PTK7: variants seen among roughly 807,000 people sequenced by gnomAD.
The protein encoded by PTK7 is protein tyrosine kinase 7 (inactive), also known as inactive tyrosine-protein kinase 7.
In PTK7, 39 loss-of-function variants were observed where a neutral mutation model predicts 116.6. The ratio of observed to expected loss-of-function variants is 0.33; its 90% CI spans 0.26 to 0.44. The LOEUF is 0.44. Ranked by LOEUF, PTK7 falls within the 20% of genes least tolerant of loss-of-function variation. The pLI is 1.00. For synonymous variants in PTK7, 546 were observed against 563.6 expected (o/e 0.97, Z 0.44); for missense variants, 1,169 against 1,425.6 (o/e 0.82, Z 2.90).
chr6:43,158,065 G>C (rs1335906039), intron 17 of PTK7, among the ~76,000 whole-genome samples: 1 of 152,052 alleles, frequency 6.6e-6, no homozygotes, highest in Non-Finnish European at 1.5e-5. Context: ...TTGGAAGGCC[G>C]AGGCGGGCGG....
At chr6:43,158,753 G>A in intron 17 of PTK7, 64 bp from the exon 18 acceptor site, 2 of 1,541,370 alleles carry the variant, frequency 1.3e-6, no homozygotes, top group African/African-American at 1.4e-5. Flanking sequence ...CAAGGGTTGT[G>A]TTGAGGGTGG....
Position 43,132,496 on chromosome 6 carries a change from C to G in PTK7, c.1037C>G (p.Pro346Arg), listed in dbSNP as rs769623531. ...GSEERVTCLP[P>R]KGLPEPSVWW... The stretch of plus-strand genomic sequence containing the variant: ...GAGGAGCGTGTGACCTGCCTTCCCC[C>G]CAAGGGTCTGCCAGAGCCCAGCGTG... The change falls in exon 7 of 20, where the codon CCC becomes CGC. Residue 346 changes from proline (P) to arginine (R), a missense_variant. Coordinates refer to ENST00000230419, the MANE Select transcript of PTK7 (RefSeq NM_002821.5). The G allele has an allele frequency of 1.2e-5, 20 of 1,610,324 alleles. No homozygotes were observed. The Admixed American group carries it at 1.7e-4, about 13-fold the overall frequency.
At position 43,132,069 on chromosome 6, in the gene PTK7, C is replaced by T. The variant is rs779981129; in HGVS notation, c.866C>T (p.Thr289Ile). ...TVFANGSLLL[T>I]QVRPRNAGIY... ...TTTGCCAACGGGTCTCTGCTGCTGACCCAGGTCCGGCCACGCAATGCAGGG... is the reference window on the plus strand; with the variant it reads ...TTTGCCAACGGGTCTCTGCTGCTGATCCAGGTCCGGCCACGCAATGCAGGG... The change falls in exon 6 of 20, where the codon ACC becomes ATC. Residue 289 changes from threonine (T) to isoleucine (I), a missense_variant. By Grantham distance (89) the Thr-to-Ile change is moderately conservative. Around this residue, in one of 3 missense-constraint regions of PTK7, gnomAD observed 487 missense variants for 549.8 expected, o/e 0.89. Transcript: ENST00000230419. 2 of 1,614,134 alleles carry T rather than the reference C, an allele frequency of 1.2e-6. No individual in the cohort carries two copies. Among genetic ancestry groups the T allele is most frequent in the Non-Finnish European group, 8.5e-7 (1 of 1,180,038 alleles).
chr6:43,128,369 A>C (rs1769424556), intron 1 of PTK7, among the ~76,000 whole-genome samples: 1 of 152,026 alleles, frequency 6.6e-6, no homozygotes, highest in Admixed American at 6.6e-5. Context: ...CTGCCTGCCC[A>C]CCCCATTCAT....
rs1279723242 is a variant in PTK7 at position 43,088,693 on chromosome 6, A to ATAAG, written c.79+12129_79+12130insGTAA. Among the ~76,000 whole-genome samples, 4 of 134,488 alleles carry ATAAG rather than the reference A, an allele frequency of 3.0e-5. No homozygotes were observed. In the East Asian group the frequency reaches 8.4e-4, roughly 28 times the overall value. The allele number at this position is 134,488 out of a possible 152,430, so 88.2% of individuals were successfully genotyped here. A position where few individuals can be genotyped will look rare whatever the true frequency, so the allele number is the denominator to read the frequency against. The stretch of plus-strand genomic sequence containing the variant: ...GGTGAGAGTGAGACGCCATCTCAAA[A>ATAAG]TAAATAAATAAATAAATAAATAAAT... On this transcript the variant is annotated intron_variant, in intron 1 of 19. Coordinates refer to ENST00000230419, the MANE Select transcript of PTK7 (RefSeq NM_002821.5).
chr6:43,105,699 G>A (rs887039094), intron 1 of PTK7, among the ~76,000 whole-genome samples: 2 of 152,118 alleles, frequency 1.3e-5, no homozygotes, highest in Non-Finnish European at 2.9e-5. Context: ...ACAGGAAGAC[G>A]GCTTGTGATA....
intron 1 of PTK7, among the ~76,000 whole-genome samples, chr6:43,116,155 C>G (rs1423114686): frequency 4.6e-5 from 7 of 152,012 alleles, no homozygotes; most frequent in African/African-American, 1.7e-4. Context: ...CCTTGTAAGA[C>G]CCCTCCCCAG....
chr6:43,112,392 C>T (rs1283949138), intron 1 of PTK7, among the ~76,000 whole-genome samples: 3 of 151,836 alleles, frequency 2.0e-5, no homozygotes, highest in Non-Finnish European at 4.4e-5. Context: ...CCTCAGCATC[C>T]CAAGTAGCTG....
chr6:43,123,608 G>A (rs113762173), intron 1 of PTK7, among the ~76,000 whole-genome samples: 2 of 152,156 alleles, frequency 1.3e-5, no homozygotes, highest in East Asian at 3.9e-4. Context: ...TGGCGGGGGT[G>A]GGGGTGGAGG....
chr6:43,136,349 C>A (rs1418491775), intron 7 of PTK7, among the ~76,000 whole-genome samples: 1 of 150,502 alleles, frequency 6.6e-6, no homozygotes, highest in Non-Finnish European at 1.5e-5. Context: ...AAAAAAAAAA[C>A]CAAACCGTAG....
At position 43,129,491 on chromosome 6, in the gene PTK7, T is replaced by C. The variant is rs1769524206; in HGVS notation, c.367+227T>C. ...GGGACCCATTTATCTGCTGCATGCT[T>C]GTGCAAATGGAAAGGGCGGCCGAGC... is the stretch of plus-strand genomic sequence containing the variant. On this transcript the variant is annotated intron_variant, in intron 2 of 19. Coordinates refer to ENST00000230419, the MANE Select transcript of PTK7 (RefSeq NM_002821.5). The surrounding 1 kb of genome is among the most constrained non-coding windows in gnomAD (Gnocchi z 4.5). The C allele has an allele frequency of 2.7e-6, 2 of 733,874 alleles. No homozygotes were observed. The highest frequency in any genetic ancestry group is 5.4e-5 in the East Asian group (2 of 36,878). The allele number at this position is 733,874 out of a possible 1,614,324, so 45.5% of individuals were successfully genotyped here. A position where few individuals can be genotyped will look rare whatever the true frequency, so the allele number is the denominator to read the frequency against.
At chr6:43,100,425 A>G (rs1767509555) in intron 1 of PTK7, among the ~76,000 whole-genome samples, 1 of 145,896 alleles carries the variant, frequency 6.9e-6, no homozygotes, top group Admixed American at 6.8e-5. Context: ...AAAAAAAATG[A>G]TAGACATTAC....
At position 43,129,040 on chromosome 6, in the gene PTK7, G is replaced by A. The variant is rs150064108; in HGVS notation, c.143G>A (p.Arg48Gln). The A allele has an allele frequency of 7.4e-6, 12 of 1,614,000 alleles. No homozygotes were observed. The highest frequency in any genetic ancestry group is 5.3e-5 in the African/African-American group (4 of 74,932). Residue 48 changes from arginine (R) to glutamine (Q), a missense_variant, in exon 2 of 20, where the codon CGG becomes CAG. By Grantham distance (43) the Arg-to-Gln change is conservative (BLOSUM62 1). This residue lies in a region of PTK7 where 487 missense variants were observed against 549.8 expected (regional missense o/e 0.89). Coordinates refer to ENST00000230419, the MANE Select transcript of PTK7 (RefSeq NM_002821.5). This position sits in a 1 kb window ranked among gnomAD's most constrained non-coding sequence, Gnocchi z 4.5. ...TCCCAGGATGCACTGCAGGGGCGCC[G>A]GGCGCTGCTTCGCTGTGAGGTTGAG... is the stretch of plus-strand genomic sequence containing the variant. Reference protein sequence around the residue: ...PSSQDALQGRRALLRCEVEAP... With the variant: ...PSSQDALQGRQALLRCEVEAP...
chr6:43,095,672 T>C lies in PTK7; in HGVS notation c.79+19105T>C, dbSNP rs1333799905. 2.0e-5 allele frequency among the ~76,000 whole-genome samples: 3 copies of C among 152,212 alleles called. No homozygotes were observed. The East Asian group carries it at 5.8e-4, about 29-fold the overall frequency. On this transcript the variant is annotated intron_variant, in intron 1 of 19. Coordinates refer to ENST00000230419, the MANE Select transcript of PTK7 (RefSeq NM_002821.5). ...GAGTGTTTTGAAGAATAAGGTATTG[T>C]ATAATAGATGGTGTGCCTTAAATGA...
At chr6:43,134,515 C>T (rs1769906876) in intron 7 of PTK7, among the ~76,000 whole-genome samples, 2 of 152,066 alleles carry the variant, frequency 1.3e-5, no homozygotes, top group Non-Finnish European at 2.9e-5. Context: ...GGCGCGGTGG[C>T]TCACGCTTGT....
rs762279863 is a variant in PTK7, at chr6:43,160,021, C to A, written c.3052+55C>A. ...CCAGATGGGCCCCAGATGGGGCCTA[C>A]TCAGGGCCCCAGGGCTGGTTCAGCC... On this transcript the variant is annotated intron_variant, in intron 19 of 19. Transcript: ENST00000230419. 6.5e-6 allele frequency: 10 copies of A among 1,549,008 alleles called. No homozygotes were observed. The East Asian group carries it at 1.8e-4, about 28-fold the overall frequency.
chr6:43,087,808 A>C (rs1291131005), intron 1 of PTK7, among the ~76,000 whole-genome samples: 2 of 152,110 alleles, frequency 1.3e-5, no homozygotes, highest in Non-Finnish European at 2.9e-5. Flanking sequence ...ACTTTAATCT[A>C]AGGGCTGCTT....
Position 43,076,815 on chromosome 6 carries a change from C to A in PTK7, c.79+248C>A, listed in dbSNP as rs1766044371. The A allele has an allele frequency of 2.8e-5, 40 of 1,410,666 alleles. 1 individual carries two copies. In the South Asian group the frequency reaches 4.6e-4, roughly 16 times the overall value. The allele number at this position is 1,410,666 out of a possible 1,614,324, so 87.4% of individuals were successfully genotyped here. A position where few individuals can be genotyped will look rare whatever the true frequency, so the allele number is the denominator to read the frequency against. On this transcript the variant is annotated intron_variant, in intron 1 of 19. Coordinates refer to ENST00000230419, the MANE Select transcript of PTK7 (RefSeq NM_002821.5). The surrounding 1 kb of genome is among the most constrained non-coding windows in gnomAD (Gnocchi z 5.7). ...CCGCGGGGACGCATTTCCAGCCTCC[C>A]TGAGTTTTTCTGGTCTGAGCCGAGA...
chr6:43,148,532 C>T (rs1770855983), intron 17 of PTK7, among the ~76,000 whole-genome samples: 1 of 152,122 alleles, frequency 6.6e-6, no homozygotes, highest in Non-Finnish European at 1.5e-5. Flanking sequence ...CTTCAAGAGT[C>T]AGGGGAGTCA....
Sources: gnomAD v4.1 joint callset for allele counts (sites outside exome capture counted in the v4.1 genomes callset) on GRCh38, gnomAD v4.1.1 for gene constraint, gnomAD v4.1.1 regional missense constraint, Gnocchi (gnomAD v3.1) non-coding constraint, MANE v1.5 for transcripts, NCBI Gene and HGNC (gene_info 2026-07-23, HGNC 2026-07-21) for gene names.